The following ATP5F1C variants were observed in gnomAD, a reference collection of about 807,000 sequenced individuals.
The protein encoded by ATP5F1C is ATP synthase F(1) complex subunit gamma, mitochondrial.
Under a neutral mutation model 37.4 loss-of-function variants are expected in ATP5F1C, and 22 were observed. The observed-to-expected ratio is 0.59, with a 90% CI of 0.42 to 0.84. The LOEUF (loss-of-function observed/expected upper bound fraction) is 0.84. Ranked by LOEUF, ATP5F1C falls within the 40% of genes least tolerant of loss-of-function variation. The pLI, the probability that ATP5F1C is intolerant of heterozygous loss-of-function variation, is 0.00. For synonymous variants in ATP5F1C, 121 were observed against 128.0 expected (o/e 0.95, Z 0.37); for missense variants, 286 against 362.4 (o/e 0.79, Z 1.71).
At chr10:7,802,173 CTG>C (rs1836378496) in intron 6 of ATP5F1C, 95 bp from the exon 7 acceptor site, 1 of 1,242,454 alleles carries the variant, frequency 8.0e-7, no homozygotes, top group Non-Finnish European at 1.1e-6. Context: ...AATTTCTGCT[CTG>C]TAATTATAAA....
chr10:7,799,275 A>C, intron 4 of ATP5F1C, 81 bp downstream of exon 4: 8 of 1,329,444 alleles, frequency 6.0e-6, no homozygotes, highest in Non-Finnish European at 7.4e-6. Context: ...ACAAACTCTC[A>C]AAACCTTCAT....
intron 1 of ATP5F1C, among the ~76,000 whole-genome samples, chr10:7,792,642 A>T (rs928002575): frequency 1.3e-5 from 2 of 152,148 alleles, no homozygotes; most frequent in Non-Finnish European, 2.9e-5. Context: ...CTCCCTTAGC[A>T]GTATGCACTT....
chr10:7,799,679 C>T (rs1483096663), intron 4 of ATP5F1C, 93 bp from the exon 5 acceptor site: 2 of 1,454,388 alleles, frequency 1.4e-6, no homozygotes, highest in Non-Finnish European at 1.9e-6. Flanking sequence ...AAGACCTGAT[C>T]CATGGTGACA....
chr10:7,788,239 C>G lies in ATP5F1C; in HGVS notation c.32C>G (p.Ser11Trp), dbSNP rs781316226. The change falls in exon 1 of 10, where the codon TCG becomes TGG. Residue 11 changes from serine (S) to tryptophan (W), a missense_variant. Ser to Trp is a radical substitution (Grantham distance 177). Transcript: ENST00000356708. Reference protein sequence around the residue: MFSRAGVAGLSAWTLQPQWIQ... With the variant: MFSRAGVAGLWAWTLQPQWIQ... ...TCTCGCGCGGGTGTCGCTGGGCTGT[C>G]GGCCTGGACCTTGCAGCCGCAATGG... 1.2e-6 allele frequency: 2 copies of G among 1,613,572 alleles called. No homozygotes were observed. Among genetic ancestry groups the G allele is most frequent in the East Asian group, 4.5e-5 (2 of 44,876 alleles).
chr10:7,804,827 T>C (rs1836442341), intron 8 of ATP5F1C, among the ~76,000 whole-genome samples: 1 of 152,224 alleles, frequency 6.6e-6, no homozygotes, highest in Non-Finnish European at 1.5e-5. Context: ...TAACATTTTA[T>C]TGGGTGTATG....
In ATP5F1C at chr10:7,799,789, T is replaced by A; in HGVS notation, c.446T>A (p.Phe149Tyr). ...GILYRTHSDQFLVAFKEVGRK... is the reference protein window; with the variant it reads ...GILYRTHSDQYLVAFKEVGRK... ...TCTTATAGGACTCATTCTGACCAGT[T>A]TCTGGTGGCATTCAAAGAAGTGGGA... is the stretch of plus-strand genomic sequence containing the variant. The change falls in exon 5 of 10, where the codon TTT (phenylalanine) becomes TAT (tyrosine). Residue 149 changes from phenylalanine (F) to tyrosine (Y), a missense_variant. By Grantham distance (22) the Phe-to-Tyr change is conservative. Coordinates refer to ENST00000356708, the MANE Select transcript of ATP5F1C (RefSeq NM_001001973.3). The A allele has an allele frequency of 6.2e-7, 1 of 1,614,200 alleles. No homozygotes were observed. Among genetic ancestry groups the A allele is most frequent in the East Asian group, 2.2e-5 (1 of 44,886 alleles).
At position 7,799,131 on chromosome 10, in the gene ATP5F1C, C is replaced by T. The variant is rs775399169; in HGVS notation, c.365C>T (p.Thr122Ile). 1.2e-5 allele frequency: 19 copies of T among 1,613,910 alleles called. No homozygotes were observed. The highest frequency in any genetic ancestry group is 1.7e-4 in the Middle Eastern group (1 of 6,046). The part of the protein sequence containing the change: ...KQMKSEVATL[T>I]AAGKEVMLVG... ...ATGAAAAGCGAGGTTGCTACACTAA[C>T]AGCAGCTGGGAAAGAAGTTATGCTT... Residue 122 changes from threonine to isoleucine, a missense_variant, in exon 4 of 10, where the codon ACA (threonine) becomes ATA (isoleucine). Coordinates refer to ENST00000356708, the MANE Select transcript of ATP5F1C (RefSeq NM_001001973.3).
intron 6 of ATP5F1C, 116 bp from the exon 7 acceptor site, chr10:7,802,154 T>C (rs1836377887): frequency 9.7e-7 from 1 of 1,031,380 alleles, no homozygotes; most frequent in Non-Finnish European, 1.4e-6. Flanking sequence ...ATTTACCTTA[T>C]CTAGCATTAA....
At chr10:7,793,418 T>C (rs1836192710) in intron 1 of ATP5F1C, among the ~76,000 whole-genome samples, 1 of 152,220 alleles carries the variant, frequency 6.6e-6, no homozygotes, top group South Asian at 2.1e-4. Context: ...GGCCCTGCCA[T>C]CTGTTGATCT....
At chr10:7,802,594 A>C (rs1836391635) in intron 7 of ATP5F1C, among the ~76,000 whole-genome samples, 164 bp from the exon 8 acceptor site, 1 of 152,218 alleles carries the variant, frequency 6.6e-6, no homozygotes, top group South Asian at 2.1e-4. Flanking sequence ...TACTGTGAAA[A>C]GGTATCCTAT....
chr10:7,801,365 A>T (rs1267155456), intron 6 of ATP5F1C: 1 of 152,254 alleles, frequency 6.6e-6, no homozygotes, highest in Admixed American at 6.5e-5. Context: ...TTGATAATAT[A>T]TAGTACTGTG....
chr10:7,798,759 G>C (rs1481407727), intron 3 of ATP5F1C, among the ~76,000 whole-genome samples: 2 of 152,048 alleles, frequency 1.3e-5, no homozygotes, highest in African/African-American at 2.4e-5. Context: ...TCAAACTCCT[G>C]ACCTCAGGTG....
At chr10:7,803,880 TCTAA>T (rs936188823) in intron 8 of ATP5F1C, among the ~76,000 whole-genome samples, 6 of 152,228 alleles carry the variant, frequency 3.9e-5, no homozygotes, top group Admixed American at 3.9e-4. Flanking sequence ...AGTTTTACCT[TCTAA>T]CTATCTCTTG....
intron 8 of ATP5F1C, 68 bp from the exon 9 acceptor site, chr10:7,806,906 A>C (rs1836493150): frequency 7.3e-7 from 1 of 1,373,414 alleles, no homozygotes; most frequent in East Asian, 2.3e-5. Context: ...ATATGTGATT[A>C]ACTAGCATGG....
chr10:7,801,953 G>GC (rs1215607236), intron 6 of ATP5F1C, among the ~76,000 whole-genome samples: 1 of 152,064 alleles, frequency 6.6e-6, no homozygotes, highest in Non-Finnish European at 1.5e-5. Flanking sequence ...TTTGTAACAG[G>GC]CACATGCTAA....
chr10:7,799,848 A>G lies in ATP5F1C; in HGVS notation c.505A>G (p.Ile169Val), dbSNP rs139967528. Reference sequence around the variant, plus strand: ...CCCCACTTTTGGAGATGCGTCAGTCATTGCCCTTGAATTACTAAATTCTGG... The same window carrying G: ...CCCCACTTTTGGAGATGCGTCAGTCGTTGCCCTTGAATTACTAAATTCTGG... ...KPPTFGDASVIALELLNSGYE... is the reference protein window; with the variant it reads ...KPPTFGDASVVALELLNSGYE... The change falls in exon 5 of 10, where the codon ATT (isoleucine) becomes GTT (valine). Residue 169 changes from isoleucine to valine, a missense_variant. By Grantham distance (29) the Ile-to-Val change is conservative. Coordinates refer to ENST00000356708, the MANE Select transcript of ATP5F1C (RefSeq NM_001001973.3). The G allele has an allele frequency of 9.7e-5, 157 of 1,614,224 alleles. No homozygotes were observed. The African/African-American group carries it at 2.0e-3, about 21-fold the overall frequency.
chr10:7,799,691 T>C (rs965497952), intron 4 of ATP5F1C, 81 bp from the exon 5 acceptor site: 2 of 1,520,782 alleles, frequency 1.3e-6, no homozygotes, highest in East Asian at 2.3e-5. Flanking sequence ...ATGGTGACAA[T>C]GTTTTCTCCT....
intron 7 of ATP5F1C, 112 bp from the exon 8 acceptor site, chr10:7,802,646 A>AATTTTGGT: frequency 1.6e-6 from 2 of 1,236,298 alleles, no homozygotes; most frequent in Non-Finnish European, 2.2e-6. Flanking sequence ...TTGAGAGGCC[A>AATTTTGGT]ATTTTGGTAT....
chr10:7,800,472 G>A (rs1313306981), intron 6 of ATP5F1C, among the ~76,000 whole-genome samples: 1 of 151,606 alleles, frequency 6.6e-6, no homozygotes, highest in Non-Finnish European at 1.5e-5. Flanking sequence ...TGGGATTACA[G>A]GCATGAGCCC....
Sources: gnomAD v4.1 joint callset for allele counts (sites outside exome capture counted in the v4.1 genomes callset) on GRCh38, gnomAD v4.1.1 for gene constraint, MANE v1.5 for transcripts, NCBI Gene and HGNC (gene_info 2026-07-23, HGNC 2026-07-21) for gene names.